The following CCDC146 variants were observed in gnomAD, a reference collection of about 807,000 sequenced individuals.
CCDC146 encodes coiled-coil domain-containing protein 146.
Under a neutral mutation model 119.3 loss-of-function variants are expected in CCDC146, and 92 were observed. The observed-to-expected ratio is 0.77, with a 90% CI of 0.65 to 0.92. The LOEUF is 0.92. Among genes scored for constraint, CCDC146 ranks in the 40% least tolerant of loss-of-function variants. The pLI, the probability that CCDC146 is intolerant of heterozygous loss-of-function variation, is 0.00. For missense variants in CCDC146, 1,000 were observed against 1,103.0 expected (o/e 0.91, Z 1.32); for synonymous variants, 372 against 371.8 (o/e 1.00, Z -0.01).
At chr7:77,269,699 A>T (rs1208101409) in intron 9 of CCDC146, among the ~76,000 whole-genome samples, 1 of 152,274 alleles carries the variant, frequency 6.6e-6, no homozygotes, top group Admixed American at 6.5e-5. Flanking sequence ...CCCATTGAAT[A>T]TAAAACTAAG....
At chr7:77,256,579 G>A in intron 6 of CCDC146, 70 bp downstream of exon 6, 1 of 1,263,912 alleles carries the variant, frequency 7.9e-7, no homozygotes, top group Non-Finnish European at 1.1e-6. Context: ...GGTATCAAGA[G>A]TAACCAGCAG....
chr7:77,196,189 G>A lies in CCDC146; in HGVS notation c.156+28365G>A, dbSNP rs1272488149. The A allele has an allele frequency of 2.2e-6, 2 of 927,588 alleles. No individual in the cohort carries two copies. The highest frequency in any genetic ancestry group is 1.7e-5 in the African/African-American group (1 of 60,360). 57.5% of individuals were successfully genotyped at this position (927,588 alleles called of 1,614,324 possible). ...CCGTCAGACATCATTTTTTAGCTAT[G>A]AAAAATATGAAACAAGGCATATTCT... On this transcript the variant is annotated intron_variant, in intron 2 of 18. Coordinates refer to ENST00000285871, the MANE Select transcript of CCDC146 (RefSeq NM_020879.3). This position sits in a 1 kb window ranked among gnomAD's most constrained non-coding sequence, Gnocchi z 4.2.
At chr7:77,182,971 C>A (rs184258913) in intron 2 of CCDC146, among the ~76,000 whole-genome samples, 2 of 151,976 alleles carry the variant, frequency 1.3e-5, no homozygotes, top group South Asian at 2.1e-4. Flanking sequence ...TGAATAAAAC[C>A]GAGCCTTCTC....
intron 9 of CCDC146, among the ~76,000 whole-genome samples, chr7:77,263,817 G>A (rs1200870295): frequency 6.6e-6 from 1 of 152,180 alleles, no homozygotes; most frequent in Non-Finnish European, 1.5e-5. Flanking sequence ...CCAGCTACTT[G>A]GGAGGCTGAG....
At chr7:77,282,901 A>C in intron 15 of CCDC146, 116 bp downstream of exon 15, 1 of 679,280 alleles carries the variant, frequency 1.5e-6, no homozygotes. Context: ...GACCTATAAG[A>C]ATCCATCCAT....
At chr7:77,215,879 T>C (rs1159596054) in intron 2 of CCDC146, among the ~76,000 whole-genome samples, 1 of 152,128 alleles carries the variant, frequency 6.6e-6, no homozygotes, top group Admixed American at 6.5e-5. Flanking sequence ...AAATTATATT[T>C]TGATACATAG....
chr7:77,151,628 A>G (rs1290814664), intron 1 of CCDC146, among the ~76,000 whole-genome samples: 1 of 151,862 alleles, frequency 6.6e-6, no homozygotes, highest in Non-Finnish European at 1.5e-5. Context: ...GCTGATTTAA[A>G]TTAAAAAAAA....
chr7:77,266,412 G>A (rs532971872), intron 9 of CCDC146, among the ~76,000 whole-genome samples: 1 of 152,152 alleles, frequency 6.6e-6, no homozygotes, highest in African/African-American at 2.4e-5. Flanking sequence ...GTCAGGTTCA[G>A]ATTCTAGATC....
chr7:77,163,058 C>T (rs1791285438), intron 1 of CCDC146, among the ~76,000 whole-genome samples: 1 of 152,200 alleles, frequency 6.6e-6, no homozygotes, highest in South Asian at 2.1e-4. Context: ...TGGTACTTAT[C>T]ATTTGTTGCC....
chr7:77,126,270 GT>G lies in CCDC146; in HGVS notation c.-12+3541del, dbSNP rs556258680. ...GTATTACAGTGATTGATTTTCAAGT[GT>G]TTCATTCCCTCAATAAGCTACATTT... On this transcript the variant is annotated intron_variant, in intron 1 of 18. Transcript: ENST00000285871. 6.3e-4 allele frequency among the ~76,000 whole-genome samples: 96 copies of G among 152,164 alleles called. 1 individual carries two copies. Among genetic ancestry groups the G allele is most frequent in the East Asian group, 4.2e-3 (22 of 5,186 alleles).
At chr7:77,284,188 A>C (rs192810404) in intron 15 of CCDC146, among the ~76,000 whole-genome samples, 3 of 152,338 alleles carry the variant, frequency 2.0e-5, no homozygotes, top group Non-Finnish European at 4.4e-5. Flanking sequence ...ACTTTATTAA[A>C]GATGTGGGGC....
chr7:77,219,027 T>C (rs913906171), intron 2 of CCDC146, among the ~76,000 whole-genome samples: 2 of 152,200 alleles, frequency 1.3e-5, no homozygotes, highest in Non-Finnish European at 2.9e-5. Context: ...ATCTTACATA[T>C]TTTAAGAGAT....
intron 5 of CCDC146, 69 bp downstream of exon 5, chr7:77,254,632 A>G (rs1793142455): frequency 1.2e-6 from 1 of 863,418 alleles, no homozygotes; most frequent in African/African-American, 1.7e-5. Flanking sequence ...ATAAATATTA[A>G]TGTTTATCAC....
chr7:77,204,461 A>G (rs899090366), intron 2 of CCDC146, among the ~76,000 whole-genome samples: 3 of 152,224 alleles, frequency 2.0e-5, no homozygotes, highest in Non-Finnish European at 4.4e-5. Context: ...GATTCAGACT[A>G]GAAGTCTTCC....
intron 4 of CCDC146, among the ~76,000 whole-genome samples, chr7:77,242,164 A>G (rs1484648364): frequency 6.6e-6 from 1 of 152,180 alleles, no homozygotes; most frequent in African/African-American, 2.4e-5. Context: ...CAGTCAGAGA[A>G]CACACTCCAC....
At chr7:77,279,333 A>AG (rs1219154197) in intron 13 of CCDC146, among the ~76,000 whole-genome samples, 2 of 152,176 alleles carry the variant, frequency 1.3e-5, no homozygotes, top group Non-Finnish European at 2.9e-5. Flanking sequence ...ATCCAGAAAA[A>AG]GCCCTTGTTC....
At chr7:77,261,659 A>G (rs988839817) in intron 8 of CCDC146, among the ~76,000 whole-genome samples, 6 of 151,622 alleles carry the variant, frequency 4.0e-5, no homozygotes, top group Admixed American at 3.3e-4. Context: ...TTGTATTTTT[A>G]GTAGAGACGG....
At chr7:77,205,505 C>T (rs540617399) in intron 2 of CCDC146, among the ~76,000 whole-genome samples, 11 of 152,218 alleles carry the variant, frequency 7.2e-5, no homozygotes, top group Non-Finnish European at 1.2e-4. Context: ...GGCCTGTAAT[C>T]CCAACATTTT....
At chr7:77,145,789 G>A (rs1448213718) in intron 1 of CCDC146, among the ~76,000 whole-genome samples, 1 of 152,084 alleles carries the variant, frequency 6.6e-6, no homozygotes, top group African/African-American at 2.4e-5. Context: ...GAGACAATTT[G>A]TTATAATTTC....
Sources: gnomAD v4.1 joint callset for allele counts (sites outside exome capture counted in the v4.1 genomes callset) on GRCh38, gnomAD v4.1.1 for gene constraint, Gnocchi (gnomAD v3.1) non-coding constraint, MANE v1.5 for transcripts, NCBI Gene and HGNC (gene_info 2026-07-23, HGNC 2026-07-21) for gene names.